Variants in BRI3 observed in about 807,000 individuals in gnomAD.
BRI3 encodes the protein brain protein I3.
Under a neutral mutation model 12.8 loss-of-function variants are expected in BRI3, and 6 were observed. The ratio of observed to expected loss-of-function variants is 0.47; its 90% CI spans 0.26 to 0.93. The LOEUF (loss-of-function observed/expected upper bound fraction) is 0.93, where lower values mean the gene tolerates loss of function less well. BRI3 is among the 40% of genes least tolerant of loss of function. BRI3 has a pLI of 0.15. For missense variants in BRI3, 134 were observed against 171.1 expected (o/e 0.78, Z 1.21); for synonymous variants, 91 against 76.1 (o/e 1.20, Z -1.02).
At chr7:98,290,900 T>C (rs952834080) in intron 2 of BRI3, among the ~76,000 whole-genome samples, 4 of 152,264 alleles carry the variant, frequency 2.6e-5, no homozygotes, top group African/African-American at 7.2e-5. Flanking sequence ...GGCCATTCCA[T>C]GAACGGGTAC....
Position 98,284,931 on chromosome 7 carries a change from CCAGT to C in BRI3, c.245+2481_245+2484del, listed in dbSNP as rs1343056340. Reference sequence around the variant, plus strand: ...CCAGGTTCTCCCTTGCCCAGGGAGGCCAGTCATTCTTTGCTGGGGGTGTGGTTGT... The same window carrying C: ...CCAGGTTCTCCCTTGCCCAGGGAGGCCATTCTTTGCTGGGGGTGTGGTTGT... On this transcript the variant is annotated intron_variant, in intron 2 of 2. Coordinates refer to ENST00000297290, the MANE Select transcript of BRI3 (RefSeq NM_015379.5). Among the ~76,000 whole-genome samples, 9 of 152,246 alleles carry C rather than the reference CCAGT, an allele frequency of 5.9e-5. No individual in the cohort carries two copies. In the South Asian group the frequency reaches 1.9e-3, roughly 32 times the overall value.
chr7:98,306,725 A>G (rs894171185), intron 1 of BRI3: 9 of 693,394 alleles, frequency 1.3e-5, no homozygotes, highest in African/African-American at 1.8e-5. Flanking sequence ...TTTTTTTAAT[A>G]GAGACAGGGT....
At position 98,291,498 on chromosome 7, in the gene BRI3, T is replaced by C. The variant is rs1346033869; in HGVS notation, c.*255T>C. 7.7e-7 allele frequency: 1 copy of C among 1,302,234 alleles called. No individual in the cohort carries two copies. The highest frequency in any genetic ancestry group is 9.8e-7 in the Non-Finnish European group (1 of 1,021,714). The allele number at this position is 1,302,234 out of a possible 1,614,324, so 80.7% of individuals were successfully genotyped here. On this transcript the variant is annotated 3_prime_UTR_variant, in exon 3 of 3. Coordinates refer to ENST00000297290, the MANE Select transcript of BRI3 (RefSeq NM_015379.5). ...AATTTGAGAAAGGTGAGAAATAATGTTTTCAATAAATGAGATTCATACCAT... is the reference window on the plus strand; with the variant it reads ...AATTTGAGAAAGGTGAGAAATAATGCTTTCAATAAATGAGATTCATACCAT...
downstream of BRI3, among the ~76,000 whole-genome samples, chr7:98,314,263 G>A (rs2394852): frequency 0.38 from 57,570 of 151,884 alleles, 12,437 homozygotes; most frequent in Middle Eastern, 0.55. Flanking sequence ...GATTACAGGC[G>A]TGAGCCACCA....
At chr7:98,305,590 G>A (rs143755221), upstream of BRI3, among the ~76,000 whole-genome samples, 70 of 152,138 alleles carry the variant, frequency 4.6e-4, no homozygotes, top group African/African-American at 1.6e-3. Context: ...CTGGCTAATT[G>A]TTTATTTTTT....
At chr7:98,293,944 C>G, downstream of BRI3, 1 of 1,091,964 alleles carries the variant, frequency 9.2e-7, no homozygotes, top group Non-Finnish European at 1.4e-6. Flanking sequence ...GCTGCACTCC[C>G]CCATGGCTCC....
chr7:98,307,226 C>T, intron 1 of BRI3: 1 of 230,344 alleles, frequency 4.3e-6, no homozygotes, highest in Non-Finnish European at 7.8e-6. Flanking sequence ...CTGCCTCAGC[C>T]TCCCGAGTAG....
At chr7:98,284,474 CCT>C (rs1799643777) in intron 2 of BRI3, among the ~76,000 whole-genome samples, 1 of 152,294 alleles carries the variant, frequency 6.6e-6, no homozygotes, top group Non-Finnish European at 1.5e-5. Flanking sequence ...CTGGGCCACT[CCT>C]CTCTGCGAGG....
downstream of BRI3, among the ~76,000 whole-genome samples, chr7:98,296,539 C>T (rs924880253): frequency 1.3e-5 from 2 of 152,146 alleles, no homozygotes; most frequent in South Asian, 2.1e-4. Context: ...GCAGGAGAAT[C>T]GCTTGAACAG....
chr7:98,313,981 CCTT>C (rs1191456923), downstream of BRI3, among the ~76,000 whole-genome samples: 9 of 120,064 alleles, frequency 7.5e-5, no homozygotes, highest in Admixed American at 6.5e-4. Context: ...CCTTTTTCTT[CCTT>C]TTTTTTTTTT....
intron 2 of BRI3, among the ~76,000 whole-genome samples, chr7:98,289,166 C>T (rs148649291): frequency 0.013 from 2,002 of 152,260 alleles, 23 homozygotes; most frequent in Non-Finnish European, 0.022. Flanking sequence ...CCATGTTGAC[C>T]AGGCTGGTCT....
the BRI3 span, chr7:98,320,255 G>A: frequency 7.5e-6 from 12 of 1,609,618 alleles, no homozygotes; most frequent in African/African-American, 6.7e-5. Flanking sequence ...CAAGACTCTC[G>A]TTGAGTTTCT....
At chr7:98,314,421 A>C (rs1433872480), downstream of BRI3, among the ~76,000 whole-genome samples, 1 of 152,232 alleles carries the variant, frequency 6.6e-6, no homozygotes, top group Non-Finnish European at 1.5e-5. Flanking sequence ...CTATATTGGA[A>C]CACTCTCTAA....
the BRI3 span, chr7:98,319,998 T>TCCCCAGGCTGGGAGGTCAGGCAG: frequency 7.2e-7 from 1 of 1,393,686 alleles, no homozygotes; most frequent in Non-Finnish European, 1.0e-6. Context: ...GAACGAGTTC[T>TCCCCAGGCTGGGAGGTCAGGCAG]CCCCAGGCTG....
intron 2 of BRI3, chr7:98,282,808 A>G (rs1033378906): frequency 4.4e-6 from 1 of 229,428 alleles, no homozygotes; most frequent in Non-Finnish European, 8.7e-6. Flanking sequence ...TTTTTCCTTC[A>G]CTTTCCGCAA....
chr7:98,317,102 C>T, the BRI3 span: 1 of 1,316,108 alleles, frequency 7.6e-7, no homozygotes, highest in East Asian at 2.4e-5. Flanking sequence ...ATCCTACTGC[C>T]TCGGCCTCCC....
At chr7:98,290,834 A>G (rs1367451734) in intron 2 of BRI3, among the ~76,000 whole-genome samples, 1 of 152,220 alleles carries the variant, frequency 6.6e-6, no homozygotes, top group Non-Finnish European at 1.5e-5. Context: ...AGTCCTTTCA[A>G]CTGTTTTATT....
chr7:98,306,495 C>T (rs776267433), upstream of BRI3: 10 of 1,614,074 alleles, frequency 6.2e-6, no homozygotes, highest in Admixed American at 1.0e-4. Context: ...ACTTCGTGTA[C>T]GACGACGGGA....
exon 2 of BRI3, chr7:98,308,429 C>T (rs965104478): frequency 8.0e-6 from 3 of 376,614 alleles, no homozygotes; most frequent in South Asian, 3.9e-5. Flanking sequence ...GAGTCCTCAC[C>T]AGGTGCCAGT....
Sources: allele counts gnomAD v4.1 joint callset (sites outside exome capture counted in the v4.1 genomes callset), GRCh38; gene constraint gnomAD v4.1.1; transcripts MANE v1.5; gene names NCBI Gene and HGNC (gene_info 2026-07-23, HGNC 2026-07-21).